CACNG1: variants seen among roughly 807,000 people sequenced by gnomAD.
CACNG1 encodes the protein voltage-dependent calcium channel gamma-1 subunit.
CACNG1 carries 21 observed loss-of-function variants against 22.0 expected under a neutral mutation model. The ratio of observed to expected loss-of-function variants is 0.95; its 90% confidence interval spans 0.68 to 1.37. The LOEUF (loss-of-function observed/expected upper bound fraction) is 1.37, where lower values mean the gene tolerates loss of function less well. Ranked by LOEUF, CACNG1 falls within the 40% of genes most tolerant of loss-of-function variation. CACNG1 has a pLI of 0.00. For synonymous variants in CACNG1, 127 were observed against 129.2 expected, an observed-to-expected ratio of 0.98 and a Z score of 0.12; for missense variants, 291 against 308.6, an observed-to-expected ratio of 0.94 and a Z score of 0.43.
rs138929263 is a variant in CACNG1 at position 67,056,263 on chromosome 17, G to A, written c.661G>A (p.Glu221Lys). 4.8e-5 allele frequency: 78 copies of A among 1,613,724 alleles called. 1 individual carries two copies. Among genetic ancestry groups the A allele is most frequent in the South Asian group, 3.2e-4 (29 of 91,058 alleles). Residue 221 changes from glutamate to lysine, a missense_variant, in exon 4 of 4, where the codon GAG becomes AAG. By Grantham distance (56) the Glu-to-Lys change is moderately conservative. Transcript: ENST00000226021. This position sits in a 1 kb window ranked among gnomAD's most constrained non-coding sequence, Gnocchi z 4.3. Reference sequence around the variant, plus strand: ...GGAGTCCTGCATGGATGCTGAGCCCGAGCACTAACCCTCCTGCGGCCCTAG... The same window carrying A: ...GGAGTCCTGCATGGATGCTGAGCCCAAGCACTAACCCTCCTGCGGCCCTAG... ...PWESCMDAEP[E>K]H
chr17:67,052,106 A>T (rs1466550548), intron 1 of CACNG1, among the ~76,000 whole-genome samples: 1 of 152,200 alleles, frequency 6.6e-6, no homozygotes, highest in African/African-American at 2.4e-5. Context: ...GATTCGAGAG[A>T]TCTACAGCCA....
rs966960852 is a variant in CACNG1 at position 67,056,384 on chromosome 17, GC to G, written c.*119del. The G allele has an allele frequency of 1.8e-4, 151 of 847,826 alleles. No homozygotes were observed. The highest frequency in any genetic ancestry group is 2.5e-4 in the Non-Finnish European group (133 of 537,862). 52.5% of individuals were successfully genotyped at this position (847,826 alleles called of 1,614,324 possible). A position where few individuals can be genotyped will look rare whatever the true frequency, so the allele number is the denominator to read the frequency against. On this transcript the variant is annotated 3_prime_UTR_variant, in exon 4 of 4. Coordinates refer to ENST00000226021, the MANE Select transcript of CACNG1 (RefSeq NM_000727.4). This position sits in a 1 kb window ranked among gnomAD's most constrained non-coding sequence, Gnocchi z 4.3. The stretch of plus-strand genomic sequence containing the variant: ...TTTTAGCCCCACCCTGCTCCCATCT[GC>G]CCCCCTGCAACAGTCGCAGGCTGCT...
In CACNG1 at chr17:67,054,119, G is replaced by A; in HGVS notation, c.304+49G>A. The A allele has an allele frequency of 1.4e-6, 2 of 1,441,494 alleles. No homozygotes were observed. The highest frequency in any genetic ancestry group is 2.3e-5 in the East Asian group (1 of 44,010). The allele number at this position is 1,441,494 out of a possible 1,614,324, so 89.3% of individuals were successfully genotyped here. A position where few individuals can be genotyped will look rare whatever the true frequency, so the allele number is the denominator to read the frequency against. On this transcript the variant is annotated intron_variant, in intron 2 of 3. Coordinates refer to ENST00000226021, the MANE Select transcript of CACNG1 (RefSeq NM_000727.4). The surrounding 1 kb of genome is among the most constrained non-coding windows in gnomAD (Gnocchi z 4.6). ...TGGGGTGACAAGAGGGGACTTCTGT[G>A]TTGTGCACCACTGGGCCAGAAAGTC...
chr17:67,049,199 T>C (rs552473112), intron 1 of CACNG1, among the ~76,000 whole-genome samples: 1 of 152,312 alleles, frequency 6.6e-6, no homozygotes, highest in South Asian at 2.1e-4. Context: ...TGAGGAATCC[T>C]TAATAAGATG....
Position 67,055,482 on chromosome 17 carries a change from G to A in CACNG1, c.442+242G>A, listed in dbSNP as rs1390715605. Among the ~76,000 whole-genome samples, 2 of 152,202 alleles carry A rather than the reference G, an allele frequency of 1.3e-5. No individual in the cohort carries two copies. Among genetic ancestry groups the A allele is most frequent in the Non-Finnish European group, 2.9e-5 (2 of 68,036 alleles). Reference sequence around the variant, plus strand: ...CTCAAGGCCCCAAAGAAACTGCCCAGAGAATGATTAACAAAAGAAGGAAAG... The same window carrying A: ...CTCAAGGCCCCAAAGAAACTGCCCAAAGAATGATTAACAAAAGAAGGAAAG... On this transcript the variant is annotated intron_variant, in intron 3 of 3. Coordinates refer to ENST00000226021, the MANE Select transcript of CACNG1 (RefSeq NM_000727.4). This position sits in a 1 kb window ranked among gnomAD's most constrained non-coding sequence, Gnocchi z 4.5.
chr17:67,053,521 C>G (rs978687644), intron 1 of CACNG1, among the ~76,000 whole-genome samples: 6 of 152,346 alleles, frequency 3.9e-5, no homozygotes, highest in African/African-American at 1.4e-4. Flanking sequence ...TTGGGATGTT[C>G]AGCAACGTCT....
rs2035742989 is a variant in CACNG1 at position 67,054,003 on chromosome 17, C to T, written c.237C>T (p.Asn79=). 1 of 1,613,764 alleles carries T rather than the reference C, an allele frequency of 6.2e-7. No individual in the cohort carries two copies. The highest frequency in any genetic ancestry group is 1.7e-5 in the Admixed American group (1 of 60,002). ...CGPITLPGEK[N]CSYFRHFNPG... is the part of the protein sequence containing the mutation. ...CTGTCTCCTCCTTTGCAGAGAAGAACTGTTCCTACTTCAGGCATTTTAACC... is the reference window on the plus strand; with the variant it reads ...CTGTCTCCTCCTTTGCAGAGAAGAATTGTTCCTACTTCAGGCATTTTAACC... The change falls in exon 2 of 4, where the codon AAC becomes AAT. Residue 79 remains asparagine (N), a synonymous_variant. Transcript: ENST00000226021. The surrounding 1 kb of genome is among the most constrained non-coding windows in gnomAD (Gnocchi z 4.6).
chr17:67,044,870 G>A lies in CACNG1; in HGVS notation c.210G>A (p.Gly70=). The A allele has an allele frequency of 1.2e-6, 2 of 1,612,906 alleles. No homozygotes were observed. Among genetic ancestry groups the A allele is most frequent in the Non-Finnish European group, 1.7e-6 (2 of 1,179,918 alleles). The change falls in exon 1 of 4, where the codon GGG becomes GGA. Residue 70 remains glycine (G), a synonymous_variant. Coordinates refer to ENST00000226021, the MANE Select transcript of CACNG1 (RefSeq NM_000727.4). The surrounding 1 kb of genome is among the most constrained non-coding windows in gnomAD (Gnocchi z 6.9). ...CCATGGACGACAGCAAGACCTGCGGGCCCATCACCCTGCCCGGGGGTAACG... is the reference window on the plus strand; with the variant it reads ...CCATGGACGACAGCAAGACCTGCGGACCCATCACCCTGCCCGGGGGTAACG... ...RIPMDDSKTC[G]PITLPGEKNC...
rs1359054211 is a variant in CACNG1, at chr17:67,044,811, T to A, written c.151T>A (p.Phe51Ile). ...HHNTTCEAAHFGLWRICTKRI... is the reference protein window; with the variant it reads ...HHNTTCEAAHIGLWRICTKRI... Reference sequence around the variant, plus strand: ...CAACACTACCTGCGAGGCGGCCCACTTCGGCCTCTGGCGGATTTGTACCAA... The same window carrying A: ...CAACACTACCTGCGAGGCGGCCCACATCGGCCTCTGGCGGATTTGTACCAA... The change falls in exon 1 of 4, where the codon TTC (phenylalanine) becomes ATC (isoleucine). Residue 51 changes from phenylalanine (F) to isoleucine (I), a missense_variant. By Grantham distance (21) the Phe-to-Ile change is conservative. Coordinates refer to ENST00000226021, the MANE Select transcript of CACNG1 (RefSeq NM_000727.4). This position sits in a 1 kb window ranked among gnomAD's most constrained non-coding sequence, Gnocchi z 6.9. The A allele has an allele frequency of 1.2e-6, 2 of 1,613,486 alleles. No homozygotes were observed. The highest frequency in any genetic ancestry group is 2.2e-5 in the South Asian group (2 of 91,088).
In CACNG1 at chr17:67,054,677, CAG is replaced by C. The variant is rs1252156369; in HGVS notation, c.305-422_305-421del. On this transcript the variant is annotated intron_variant, in intron 2 of 3. Transcript: ENST00000226021. This position sits in a 1 kb window ranked among gnomAD's most constrained non-coding sequence, Gnocchi z 4.6. ...ACGACACACACAAGACACAGACGCACAGAGACACTGACACACACGCATGATGA... is the reference window on the plus strand; with the variant it reads ...ACGACACACACAAGACACAGACGCACAGACACTGACACACACGCATGATGA... Among the ~76,000 whole-genome samples the C allele has an allele frequency of 7.1e-6, 1 of 141,642 alleles. No homozygotes were observed. Among genetic ancestry groups the C allele is most frequent in the Non-Finnish European group, 1.5e-5 (1 of 64,778 alleles). 92.9% of individuals were successfully genotyped at this position (141,642 alleles called of 152,430 possible).
rs753434139 is a variant in CACNG1, at chr17:67,055,286, C to A, written c.442+46C>A. 2.5e-6 allele frequency: 4 copies of A among 1,585,268 alleles called. No homozygotes were observed. The highest frequency in any genetic ancestry group is 2.6e-6 in the Non-Finnish European group (3 of 1,161,926). On this transcript the variant is annotated intron_variant, in intron 3 of 3. Coordinates refer to ENST00000226021, the MANE Select transcript of CACNG1 (RefSeq NM_000727.4). The surrounding 1 kb of genome is among the most constrained non-coding windows in gnomAD (Gnocchi z 4.5). The stretch of plus-strand genomic sequence containing the variant: ...GAGCGCCGGGGCCGGGGGACCATGT[C>A]GCGGGGGATTCTCCGCTCCACCCTC...
chr17:67,055,028 T>A lies in CACNG1; in HGVS notation c.305-75T>A. 1 of 1,444,200 alleles carries A rather than the reference T, an allele frequency of 6.9e-7. No homozygotes were observed. 89.5% of individuals were successfully genotyped at this position (1,444,200 alleles called of 1,614,324 possible). A position where few individuals can be genotyped will look rare whatever the true frequency, so the allele number is the denominator to read the frequency against. On this transcript the variant is annotated intron_variant, in intron 2 of 3. Coordinates refer to ENST00000226021, the MANE Select transcript of CACNG1 (RefSeq NM_000727.4). This position sits in a 1 kb window ranked among gnomAD's most constrained non-coding sequence, Gnocchi z 4.5. ...ACACTGACACACACACTGTGGTGCA[T>A]GGTGTGGTCCCTAACGAGCCATGAC...
At position 67,056,656 on chromosome 17, in the gene CACNG1, AG is replaced by A; in HGVS notation, c.*386del. 4.8e-6 allele frequency: 1 copy of A among 209,702 alleles called. No individual in the cohort carries two copies. The allele number at this position is 209,702 out of a possible 1,614,324, so 13.0% of individuals were successfully genotyped here. The stretch of plus-strand genomic sequence containing the variant: ...TGCCAGCTGGGTGTTCCGTGTAAAT[AG>A]CCAGCCTGTCTCTTTCTCGGTGATA... On this transcript the variant is annotated 3_prime_UTR_variant, in exon 4 of 4. Coordinates refer to ENST00000226021, the MANE Select transcript of CACNG1 (RefSeq NM_000727.4). The surrounding 1 kb of genome is among the most constrained non-coding windows in gnomAD (Gnocchi z 4.3).
chr17:67,056,411 T>A lies in CACNG1; in HGVS notation c.*140T>A, dbSNP rs551015807. 2.8e-4 allele frequency: 195 copies of A among 695,022 alleles called. 3 individuals carry two copies. The South Asian group carries it at 3.5e-3, about 12-fold the overall frequency. The allele number at this position is 695,022 out of a possible 1,614,324, so 43.1% of individuals were successfully genotyped here. A position where few individuals can be genotyped will look rare whatever the true frequency, so the allele number is the denominator to read the frequency against. On this transcript the variant is annotated 3_prime_UTR_variant, in exon 4 of 4. Transcript: ENST00000226021. This position sits in a 1 kb window ranked among gnomAD's most constrained non-coding sequence, Gnocchi z 4.3. ...CCCCCTGCAACAGTCGCAGGCTGCTTCCTCTCTCTGAGTTCCTCTGGGCTG... is the reference window on the plus strand; with the variant it reads ...CCCCCTGCAACAGTCGCAGGCTGCTACCTCTCTCTGAGTTCCTCTGGGCTG...
At chr17:67,050,938 G>A (rs1472438211) in intron 1 of CACNG1, among the ~76,000 whole-genome samples, 3 of 152,168 alleles carry the variant, frequency 2.0e-5, no homozygotes, top group Non-Finnish European at 2.9e-5. Flanking sequence ...AGAATGGCAC[G>A]ACCTCAGAGT....
At chr17:67,051,051 G>A (rs2035724946) in intron 1 of CACNG1, among the ~76,000 whole-genome samples, 1 of 152,150 alleles carries the variant, frequency 6.6e-6, no homozygotes, top group Non-Finnish European at 1.5e-5. Flanking sequence ...TGGAAGCCAG[G>A]GCAGCGGGGC....
chr17:67,056,136 C>T lies in CACNG1; in HGVS notation c.534C>T (p.Tyr178=). The part of the protein sequence containing the change: ...SEDTVWIEYY[Y]SWSFACACAA... ...ACACCGTCTGGATCGAGTACTATTA[C>T]TCCTGGTCCTTTGCCTGCGCCTGTG... is the stretch of plus-strand genomic sequence containing the variant. The change falls in exon 4 of 4, where the codon TAC becomes TAT. Residue 178 remains tyrosine (Y), a synonymous_variant. Coordinates refer to ENST00000226021, the MANE Select transcript of CACNG1 (RefSeq NM_000727.4). This position sits in a 1 kb window ranked among gnomAD's most constrained non-coding sequence, Gnocchi z 4.3. 5 of 1,613,988 alleles carry T rather than the reference C, an allele frequency of 3.1e-6. No individual in the cohort carries two copies. Among genetic ancestry groups the T allele is most frequent in the Non-Finnish European group, 4.2e-6 (5 of 1,180,002 alleles).
chr17:67,045,332 G>A (rs1474641229), intron 1 of CACNG1, among the ~76,000 whole-genome samples: 1 of 152,170 alleles, frequency 6.6e-6, no homozygotes, highest in African/African-American at 2.4e-5. Flanking sequence ...GATGGAATTT[G>A]CAGGGTCCTG....
At position 67,054,850 on chromosome 17, in the gene CACNG1, AC is replaced by A. The variant is rs2035750484; in HGVS notation, c.305-252del. On this transcript the variant is annotated intron_variant, in intron 2 of 3. Transcript: ENST00000226021. This position sits in a 1 kb window ranked among gnomAD's most constrained non-coding sequence, Gnocchi z 4.6. ...CAGAGACACACACTGACACACACGT[AC>A]AATGACAGACACAGAGACACACACT... Among the ~76,000 whole-genome samples the A allele has an allele frequency of 6.6e-6, 1 of 151,756 alleles. No individual in the cohort carries two copies. The highest frequency in any genetic ancestry group is 2.1e-4 in the South Asian group (1 of 4,786).
Sources: allele counts gnomAD v4.1 joint callset (sites outside exome capture counted in the v4.1 genomes callset), GRCh38; gene constraint gnomAD v4.1.1; non-coding constraint Gnocchi (gnomAD v3.1); transcripts MANE v1.5; gene names NCBI Gene and HGNC (gene_info 2026-07-23, HGNC 2026-07-21).